The following SLC2A1 variants were observed in gnomAD, a reference collection of about 807,000 sequenced individuals.
SLC2A1 encodes solute carrier family 2 member 1.
A neutral mutation model predicts 46.6 loss-of-function variants in SLC2A1; 4 were observed. The observed-to-expected ratio is 0.09, with a 90% CI of 0.04 to 0.20. The LOEUF is 0.20. Ranked by LOEUF, SLC2A1 falls within the 10% of genes least tolerant of loss-of-function variation. The pLI is 1.00. For missense variants in SLC2A1, 352 were observed against 667.0 expected (o/e 0.53, Z 5.20); for synonymous variants, 253 against 270.0 (o/e 0.94, Z 0.62).
intron 8 of SLC2A1, among the ~76,000 whole-genome samples, chr1:42,928,288 C>T (rs1044924925): frequency 1.1e-4 from 17 of 152,212 alleles, no homozygotes; most frequent in Admixed American, 6.5e-4. Flanking sequence ...TCTGGCCTTT[C>T]GGCAACCACC....
chr1:42,927,954 T>C lies in SLC2A1; in HGVS notation c.1075-146A>G, dbSNP rs995240139. On this transcript the variant is annotated intron_variant, in intron 8 of 9. Transcript: ENST00000426263. This position sits in a 1 kb window ranked among gnomAD's most constrained non-coding sequence, Gnocchi z 5.3. ...CCTGGATTTGTTGTGTATCCAGCATTGGGCCTAAGTTTCCTCATCCGAACA... is the reference window on the plus strand; with the variant it reads ...CCTGGATTTGTTGTGTATCCAGCATCGGGCCTAAGTTTCCTCATCCGAACA... 4 of 719,426 alleles carry C rather than the reference T, an allele frequency of 5.6e-6. No homozygotes were observed. Among genetic ancestry groups the C allele is most frequent in the Non-Finnish European group, 9.9e-6 (4 of 404,366 alleles). 44.6% of individuals were successfully genotyped at this position (719,426 alleles called of 1,614,324 possible). A position where few individuals can be genotyped will look rare whatever the true frequency, so the allele number is the denominator to read the frequency against.
intron 2 of SLC2A1, among the ~76,000 whole-genome samples, chr1:42,934,892 G>T (rs1439106567): frequency 6.6e-6 from 1 of 152,242 alleles, no homozygotes. Flanking sequence ...CCTGCCCTGG[G>T]TCTCATCTGG....
chr1:42,942,351 A>C (rs1412582591), intron 2 of SLC2A1, among the ~76,000 whole-genome samples: 1 of 152,130 alleles, frequency 6.6e-6, no homozygotes, highest in African/African-American at 2.4e-5. Context: ...CATAAACACA[A>C]GCAAAATGCC....
At chr1:42,928,857 G>A in intron 8 of SLC2A1, 75 bp downstream of exon 8, 1 of 1,332,542 alleles carries the variant, frequency 7.5e-7, no homozygotes, top group Non-Finnish European at 1.1e-6. Context: ...GCCTGGGGCT[G>A]AGACAGGCAT....
In SLC2A1 at chr1:42,958,763, A is replaced by T; in HGVS notation, c.-112T>A. 1 of 1,137,468 alleles carries T rather than the reference A, an allele frequency of 8.8e-7. No individual in the cohort carries two copies. The highest frequency in any genetic ancestry group is 1.6e-5 in the African/African-American group (1 of 62,720). 70.5% of individuals were successfully genotyped at this position (1,137,468 alleles called of 1,614,324 possible). A position where few individuals can be genotyped will look rare whatever the true frequency, so the allele number is the denominator to read the frequency against. ...CTCCGGTCCGGGGACTCCCACTGCG[A>T]CTCTGACTCCGACCCCCGTCGTTTG... On this transcript the variant is annotated 5_prime_UTR_variant, in exon 1 of 10. Coordinates refer to ENST00000426263, the MANE Select transcript of SLC2A1 (RefSeq NM_006516.4).
Position 42,954,580 on chromosome 1 carries a change from C to G in SLC2A1, c.18+4054G>C, listed in dbSNP as rs915295458. 1.3e-5 allele frequency among the ~76,000 whole-genome samples: 2 copies of G among 152,152 alleles called. No homozygotes were observed. The highest frequency in any genetic ancestry group is 2.4e-5 in the African/African-American group (1 of 41,426). ...AACGCCTCAAATCTTTTGTGATAGC[C>G]TTATCTCGGACAAATCTCTTCCCTT... On this transcript the variant is annotated intron_variant, in intron 1 of 9. Coordinates refer to ENST00000426263, the MANE Select transcript of SLC2A1 (RefSeq NM_006516.4). The surrounding 1 kb of genome is among the most constrained non-coding windows in gnomAD (Gnocchi z 4.2).
chr1:42,934,621 G>A (rs1643523783), intron 2 of SLC2A1, among the ~76,000 whole-genome samples: 1 of 152,130 alleles, frequency 6.6e-6, no homozygotes, highest in South Asian at 2.1e-4. Flanking sequence ...GTGTCTGGGT[G>A]CACCTCAGGA....
intron 1 of SLC2A1, chr1:42,951,627 AT>A: frequency 2.6e-6 from 1 of 389,614 alleles, no homozygotes. Flanking sequence ...ACACTCTTTC[AT>A]TTATTATGCT....
intron 2 of SLC2A1, among the ~76,000 whole-genome samples, chr1:42,934,362 C>T (rs1465086287): frequency 6.6e-6 from 1 of 152,220 alleles, no homozygotes; most frequent in African/African-American, 2.4e-5. Flanking sequence ...CTCCAGCCCA[C>T]AGCAGCACTT....
intron 1 of SLC2A1, chr1:42,952,491 T>C: frequency 4.6e-6 from 2 of 437,412 alleles, no homozygotes; most frequent in South Asian, 3.2e-5. Flanking sequence ...GACACTGGAC[T>C]TCAGGATCAG....
intron 1 of SLC2A1, among the ~76,000 whole-genome samples, chr1:42,953,775 T>C: frequency 6.6e-6 from 1 of 152,122 alleles, no homozygotes; most frequent in East Asian, 1.9e-4. Flanking sequence ...CACAAGCTGA[T>C]TACGGGGGAT....
At chr1:42,932,665 T>G (rs1643504183) in intron 2 of SLC2A1, among the ~76,000 whole-genome samples, 1 of 152,086 alleles carries the variant, frequency 6.6e-6, no homozygotes, top group East Asian at 1.9e-4. Flanking sequence ...CCCTATCCCT[T>G]CCAACCCACT....
chr1:42,941,300 C>T (rs1643595705), intron 2 of SLC2A1, among the ~76,000 whole-genome samples: 1 of 152,144 alleles, frequency 6.6e-6, no homozygotes, highest in South Asian at 2.1e-4. Flanking sequence ...CTGACTGTGC[C>T]GTGCCATACT....
rs542150016 is a variant in SLC2A1, at chr1:42,933,993, C to G, written c.115-2787G>C. ...CTGTGGTTCAGAGGCTTGTCTTGTACAACTCTCCACACCTCTTTTGAAATT... is the reference window on the plus strand; with the variant it reads ...CTGTGGTTCAGAGGCTTGTCTTGTAGAACTCTCCACACCTCTTTTGAAATT... On this transcript the variant is annotated intron_variant, in intron 2 of 9. Coordinates refer to ENST00000426263, the MANE Select transcript of SLC2A1 (RefSeq NM_006516.4). 9.8e-5 allele frequency among the ~76,000 whole-genome samples: 15 copies of G among 152,320 alleles called. No individual in the cohort carries two copies. In the East Asian group the frequency reaches 2.9e-3, roughly 29 times the overall value.
rs984267596 is a variant in SLC2A1, at chr1:42,958,845, C to T, written c.-194G>A. On this transcript the variant is annotated 5_prime_UTR_variant, in exon 1 of 10. Transcript: ENST00000426263. ...ACCCGCGACTAGCGACCGGCACGCT[C>T]GCTGTTGCTACCTCTTGCCTCTTGC... 26 of 580,776 alleles carry T rather than the reference C, an allele frequency of 4.5e-5. No homozygotes were observed. The highest frequency in any genetic ancestry group is 7.0e-5 in the Non-Finnish European group (23 of 327,830). 36.0% of individuals were successfully genotyped at this position (580,776 alleles called of 1,614,324 possible).
At chr1:42,948,389 G>T (rs1272766834) in intron 1 of SLC2A1, among the ~76,000 whole-genome samples, 2 of 152,162 alleles carry the variant, frequency 1.3e-5, no homozygotes, top group Non-Finnish European at 2.9e-5. Flanking sequence ...CAGAGGCAGG[G>T]TATTCCTGGC....
intron 1 of SLC2A1, among the ~76,000 whole-genome samples, chr1:42,945,738 C>CAAAAAAAAAAA (rs1166067644): frequency 4.3e-5 from 5 of 115,480 alleles, no homozygotes; most frequent in African/African-American, 1.4e-4. Context: ...GACTCTGTCT[C>CAAAAAAAAAAA]AAAAAAAAAA....
intron 1 of SLC2A1, among the ~76,000 whole-genome samples, chr1:42,958,297 G>A (rs1488597019): frequency 3.3e-5 from 5 of 151,334 alleles, no homozygotes; most frequent in African/African-American, 7.2e-5. Flanking sequence ...TGCCGAGGTC[G>A]TGTGCGACGT....
chr1:42,930,167 T>A lies in SLC2A1; in HGVS notation c.517-132A>T. The A allele has an allele frequency of 1.0e-6, 1 of 967,154 alleles. No homozygotes were observed. Among genetic ancestry groups the A allele is most frequent in the Non-Finnish European group, 1.6e-6 (1 of 621,016 alleles). 59.9% of individuals were successfully genotyped at this position (967,154 alleles called of 1,614,324 possible). A position where few individuals can be genotyped will look rare whatever the true frequency, so the allele number is the denominator to read the frequency against. ...GCCCCAGTTCTAGAGGCTCTGCCAC[T>A]AGCATGAGCCCTGTTTCTCAGTTTC... On this transcript the variant is annotated intron_variant, in intron 4 of 9. Transcript: ENST00000426263. This position sits in a 1 kb window ranked among gnomAD's most constrained non-coding sequence, Gnocchi z 6.2.
Sources: gnomAD v4.1 joint callset for allele counts (sites outside exome capture counted in the v4.1 genomes callset) on GRCh38, gnomAD v4.1.1 for gene constraint, Gnocchi (gnomAD v3.1) non-coding constraint, MANE v1.5 for transcripts, NCBI Gene and HGNC (gene_info 2026-07-23, HGNC 2026-07-21) for gene names.